NLGN4X: variants seen among roughly 807,000 people sequenced by gnomAD.
NLGN4X encodes neuroligin 4 X-linked, also known as neuroligin-4, X-linked.
Under a neutral mutation model 40.3 loss-of-function variants are expected in NLGN4X, and 3 were observed. The ratio of observed to expected loss-of-function variants is 0.07; its 90% CI spans 0.03 to 0.19. The LOEUF is 0.19. NLGN4X is among the 10% of genes least tolerant of loss of function. The pLI is 1.00. For missense variants in NLGN4X, 382 were observed against 708.3 expected (o/e 0.54, Z 5.23); for synonymous variants, 270 against 306.8 (o/e 0.88, Z 1.25).
chrX:5,919,687 A>G (rs1029628577), intron 3 of NLGN4X, among the ~76,000 whole-genome samples: 4 of 111,347 alleles, frequency 3.6e-5, no homozygotes, highest in African/African-American at 1.3e-4. Flanking sequence ...CATGTGAGGG[A>G]TCTAGGTTGC....
At chrX:6,133,942 T>G (rs1212388203) in intron 2 of NLGN4X, among the ~76,000 whole-genome samples, 1 of 111,762 alleles carries the variant, frequency 8.9e-6, no homozygotes, top group Non-Finnish European at 1.9e-5. Flanking sequence ...CTTTGTAGTG[T>G]GAAAGCAGAC....
At chrX:5,997,762 G>A (rs751365211) in intron 3 of NLGN4X, among the ~76,000 whole-genome samples, 36 of 109,489 alleles carry the variant, frequency 3.3e-4, no homozygotes, top group Admixed American at 3.2e-3. Flanking sequence ...TGAGAAAAAT[G>A]AGGCCCAGAG....
chrX:5,900,966 T>C (rs1160441281), intron 5 of NLGN4X, among the ~76,000 whole-genome samples: 1 of 111,707 alleles, frequency 9.0e-6, no homozygotes. Flanking sequence ...TTAATTTGAT[T>C]TCAATCATTT....
intron 1 of NLGN4X, among the ~76,000 whole-genome samples, chrX:6,203,123 C>T (rs1472675381): frequency 8.9e-6 from 1 of 112,459 alleles, no homozygotes; most frequent in African/African-American, 3.2e-5. Context: ...AATATGATTG[C>T]CCCATTGCCT....
At position 5,938,282 on chromosome X, in the gene NLGN4X, T is replaced by C. The variant is rs187166184; in HGVS notation, c.626-29043A>G. On this transcript the variant is annotated intron_variant, in intron 3 of 5. Transcript: ENST00000381095. ...TTAGATCACTAATTGAATGTCAGGG[T>C]AGGAGCAAAGTTCAATGTTATGATC... 5.3e-3 allele frequency among the ~76,000 whole-genome samples: 592 copies of C among 110,688 alleles called. 2 individuals carry two copies. The highest frequency in any genetic ancestry group is 0.018 in the African/African-American group (562 of 30,416).
chrX:5,922,654 G>A (rs934073571), intron 3 of NLGN4X, among the ~76,000 whole-genome samples: 2 of 111,001 alleles, frequency 1.8e-5, no homozygotes, highest in Non-Finnish European at 3.8e-5. Context: ...CCTGAGGTCA[G>A]GAGTTCGAGA....
chrX:6,197,073 T>C (rs757623306), intron 1 of NLGN4X, among the ~76,000 whole-genome samples: 1 of 111,926 alleles, frequency 8.9e-6, no homozygotes, highest in Non-Finnish European at 1.9e-5. Context: ...GCAAACGTTA[T>C]TTCATTTATT....
chrX:6,087,212 T>A (rs1000187315), intron 2 of NLGN4X, among the ~76,000 whole-genome samples: 1 of 111,873 alleles, frequency 8.9e-6, no homozygotes, highest in Non-Finnish European at 1.9e-5. Context: ...CACCGTACCA[T>A]AGTCACCTTC....
intron 2 of NLGN4X, among the ~76,000 whole-genome samples, chrX:6,065,829 AT>A (rs1469885136): frequency 1.8e-5 from 2 of 111,865 alleles, no homozygotes; most frequent in Non-Finnish European, 3.8e-5. Context: ...ATACTATGTT[AT>A]TTTTTAAGAC....
At chrX:6,019,530 A>G (rs2147184203) in intron 3 of NLGN4X, among the ~76,000 whole-genome samples, 1 of 111,895 alleles carries the variant, frequency 8.9e-6, no homozygotes, top group East Asian at 2.8e-4. Context: ...CCTTGAATAT[A>G]TGTAGATACT....
At chrX:5,932,441 C>T (rs191542733) in intron 3 of NLGN4X, among the ~76,000 whole-genome samples, 55 of 110,735 alleles carry the variant, frequency 5.0e-4, no homozygotes, top group African/African-American at 1.7e-3. Flanking sequence ...GTACCAAACG[C>T]TCTCTCTCAA....
At chrX:5,943,283 A>G (rs1297267725) in intron 3 of NLGN4X, among the ~76,000 whole-genome samples, 2 of 111,501 alleles carry the variant, frequency 1.8e-5, no homozygotes, top group African/African-American at 6.5e-5. Context: ...CCTCAACCCC[A>G]TGGAACTGGA....
At position 5,892,617 on chromosome X, in the gene NLGN4X, G is replaced by C. The variant is rs1371239707; in HGVS notation, c.*200C>G. 5 of 480,656 alleles carry C rather than the reference G, an allele frequency of 1.0e-5. No individual in the cohort carries two copies. Among genetic ancestry groups the C allele is most frequent in the African/African-American group, 7.2e-5 (3 of 41,474 alleles). The allele number at this position is 480,656 out of a possible 1,213,427, so 39.6% of individuals were successfully genotyped here. A position where few individuals can be genotyped will look rare whatever the true frequency, so the allele number is the denominator to read the frequency against. ...TTTCACAGGGTCAGAAGTTGATCTT[G>C]TAATACTGGAAAACACCAACGATAA... On this transcript the variant is annotated 3_prime_UTR_variant, in exon 6 of 6. Coordinates refer to ENST00000381095, the MANE Select transcript of NLGN4X (RefSeq NM_181332.3).
intron 1 of NLGN4X, among the ~76,000 whole-genome samples, chrX:6,224,426 A>G (rs1341624114): frequency 8.9e-6 from 1 of 112,125 alleles, no homozygotes; most frequent in African/African-American, 3.2e-5. Context: ...GGAGTCAGTC[A>G]ACACTCTCAT....
chrX:5,906,898 G>A (rs978269599), intron 4 of NLGN4X, among the ~76,000 whole-genome samples: 2 of 110,937 alleles, frequency 1.8e-5, no homozygotes, highest in Admixed American at 9.6e-5. Context: ...TGGCCAACAC[G>A]GTGAAAGCCC....
At chrX:5,976,412 C>T (rs1056452261) in intron 3 of NLGN4X, among the ~76,000 whole-genome samples, 1 of 112,045 alleles carries the variant, frequency 8.9e-6, no homozygotes, top group African/African-American at 3.2e-5. Context: ...AAAGATCATG[C>T]TTCTCATTCT....
chrX:5,964,499 T>C (rs755002721), intron 3 of NLGN4X, among the ~76,000 whole-genome samples: 2 of 112,156 alleles, frequency 1.8e-5, no homozygotes, highest in Non-Finnish European at 3.8e-5. Flanking sequence ...TATTGCTTTT[T>C]ATTTTATTTT....
intron 2 of NLGN4X, among the ~76,000 whole-genome samples, chrX:6,136,747 A>AG (rs1376914076): frequency 1.3e-4 from 15 of 112,407 alleles, no homozygotes; most frequent in Admixed American, 1.2e-3. Context: ...CCTACACTCA[A>AG]GGGGGAAGGA....
At chrX:6,118,929 T>C (rs370450970) in intron 2 of NLGN4X, among the ~76,000 whole-genome samples, 9 of 111,805 alleles carry the variant, frequency 8.0e-5, no homozygotes, top group African/African-American at 2.6e-4. Context: ...TTGCACATGC[T>C]ATTCCATCCT....
Sources: allele counts gnomAD v4.1 joint callset (sites outside exome capture counted in the v4.1 genomes callset), GRCh38; gene constraint gnomAD v4.1.1; transcripts MANE v1.5; gene names NCBI Gene and HGNC (gene_info 2026-07-23, HGNC 2026-07-21).